The following RNFT2 variants were observed in gnomAD, a reference collection of about 807,000 sequenced individuals.
The protein encoded by RNFT2 is E3 ubiquitin-protein ligase RNFT2.
In RNFT2, 36 loss-of-function variants were observed where a neutral mutation model predicts 53.0. The observed-to-expected ratio is 0.68, with a 90% CI of 0.52 to 0.90. The LOEUF is 0.90. Among genes scored for constraint, RNFT2 ranks in the 40% least tolerant of loss-of-function variants. The pLI, the probability that RNFT2 is intolerant of heterozygous loss-of-function variation, is 0.00. For missense variants in RNFT2, 514 were observed against 585.6 expected (o/e 0.88, Z 1.26); for synonymous variants, 260 against 253.2 (o/e 1.03, Z -0.26).
At chr12:116,811,221 T>C (rs1221186991) in intron 7 of RNFT2, among the ~76,000 whole-genome samples, 1 of 151,690 alleles carries the variant, frequency 6.6e-6, no homozygotes, top group Admixed American at 6.6e-5. Flanking sequence ...GTGGGCAACA[T>C]AGAAAGACCC....
At chr12:116,811,550 AT>A (rs1875378105) in intron 7 of RNFT2, among the ~76,000 whole-genome samples, 1 of 151,900 alleles carries the variant, frequency 6.6e-6, no homozygotes, top group Non-Finnish European at 1.5e-5. Context: ...TAATTTTTGT[AT>A]TTTTAGTAGA....
chr12:116,842,666 C>T (rs570113766), intron 10 of RNFT2, among the ~76,000 whole-genome samples: 234 of 152,190 alleles, frequency 1.5e-3, no homozygotes, highest in African/African-American at 5.2e-3. Flanking sequence ...CTCTGCCTCC[C>T]GAGTTCAAGC....
At chr12:116,753,148 C>CTTTTTTTTTTTT (rs11377177) in intron 4 of RNFT2, among the ~76,000 whole-genome samples, 5 of 93,688 alleles carry the variant, frequency 5.3e-5, no homozygotes, top group East Asian at 3.2e-4. Context: ...TTTTCTTTTT[C>CTTTTTTTTTTTT]TTTTTTTTTT....
At chr12:116,826,309 C>G (rs1353877169) in intron 7 of RNFT2, among the ~76,000 whole-genome samples, 1 of 152,038 alleles carries the variant, frequency 6.6e-6, no homozygotes, top group Non-Finnish European at 1.5e-5. Context: ...CTCCCACCCC[C>G]TTTATCTGAA....
chr12:116,831,209 A>AAAG (rs527621820), intron 7 of RNFT2, among the ~76,000 whole-genome samples: 44 of 151,352 alleles, frequency 2.9e-4, no homozygotes, highest in Non-Finnish European at 5.8e-4. Context: ...AAAAAAAAAA[A>AAAG]AGAGAGAGAG....
At chr12:116,847,395 A>G (rs1052706743) in intron 10 of RNFT2, among the ~76,000 whole-genome samples, 8 of 152,198 alleles carry the variant, frequency 5.3e-5, no homozygotes, top group Non-Finnish European at 5.9e-5. Context: ...TAATCTTCCA[A>G]TGAGGGGGTT....
rs929276764 is a variant in RNFT2 at position 116,829,889 on chromosome 12, C to T, written c.883-3903C>T. 2.6e-5 allele frequency among the ~76,000 whole-genome samples: 4 copies of T among 152,014 alleles called. 1 individual carries two copies. The highest frequency in any genetic ancestry group is 5.9e-5 in the Non-Finnish European group (4 of 67,992). On this transcript the variant is annotated intron_variant, in intron 7 of 10. Transcript: ENST00000257575. Reference sequence around the variant, plus strand: ...AGCCACCATGCCCAGACTCATTTCCCCTCTAATTTAAACATATCACATGCT... The same window carrying T: ...AGCCACCATGCCCAGACTCATTTCCTCTCTAATTTAAACATATCACATGCT...
Position 116,851,827 on chromosome 12 carries a change from T to C in RNFT2, c.*2379T>C, listed in dbSNP as rs1376686858. On this transcript the variant is annotated 3_prime_UTR_variant, in exon 11 of 11. Coordinates refer to ENST00000257575, the MANE Select transcript of RNFT2 (RefSeq NM_001382266.1). Reference sequence around the variant, plus strand: ...AGAAAGGTCAGCTTTGGCCCAGATGTGGTTACCCCTTGGTCTCCTGTCTTT... The same window carrying C: ...AGAAAGGTCAGCTTTGGCCCAGATGCGGTTACCCCTTGGTCTCCTGTCTTT... 4.9e-6 allele frequency: 6 copies of C among 1,235,364 alleles called. No homozygotes were observed. Among genetic ancestry groups the C allele is most frequent in the Non-Finnish European group, 6.9e-6 (6 of 871,786 alleles). 76.5% of individuals were successfully genotyped at this position (1,235,364 alleles called of 1,614,324 possible).
chr12:116,844,268 T>C (rs1408406375), intron 10 of RNFT2, among the ~76,000 whole-genome samples: 1 of 152,196 alleles, frequency 6.6e-6, no homozygotes, highest in Non-Finnish European at 1.5e-5. Flanking sequence ...TCTCACCCTG[T>C]AGCCCAGGCT....
At chr12:116,757,443 T>C (rs1034075454) in intron 5 of RNFT2, among the ~76,000 whole-genome samples, 1 of 152,180 alleles carries the variant, frequency 6.6e-6, no homozygotes, top group Non-Finnish European at 1.5e-5. Context: ...TTCAGTCTTT[T>C]TGATGTAAGC....
At chr12:116,841,385 G>A (rs554344339) in intron 10 of RNFT2, among the ~76,000 whole-genome samples, 7 of 152,074 alleles carry the variant, frequency 4.6e-5, no homozygotes, top group Non-Finnish European at 1.0e-4. Context: ...CCCAAGAGGC[G>A]GAGGCTGCAG....
At chr12:116,807,705 A>G (rs1421443048) in intron 7 of RNFT2, among the ~76,000 whole-genome samples, 2 of 152,052 alleles carry the variant, frequency 1.3e-5, no homozygotes, top group Non-Finnish European at 1.5e-5. Context: ...CAACCCAGGC[A>G]CCATACACCC....
At chr12:116,806,807 CT>C (rs1412779180) in intron 7 of RNFT2, among the ~76,000 whole-genome samples, 1 of 150,710 alleles carries the variant, frequency 6.6e-6, no homozygotes, top group African/African-American at 2.4e-5. Context: ...CTCCTTTCAT[CT>C]GTTGCTATGA....
chr12:116,810,828 G>T (rs73220465), intron 7 of RNFT2, among the ~76,000 whole-genome samples: 2 of 152,100 alleles, frequency 1.3e-5, no homozygotes, highest in Non-Finnish European at 2.9e-5. Context: ...ATTGGGGTAG[G>T]GGGGACTACC....
intron 7 of RNFT2, among the ~76,000 whole-genome samples, chr12:116,782,588 A>C (rs1235657914): frequency 6.6e-6 from 1 of 152,144 alleles, no homozygotes; most frequent in Non-Finnish European, 1.5e-5. Context: ...AGACGTGGAC[A>C]TTTTTGGGTG....
chr12:116,799,097 C>G (rs193275761), intron 7 of RNFT2, among the ~76,000 whole-genome samples: 121 of 152,308 alleles, frequency 7.9e-4, no homozygotes, highest in Non-Finnish European at 1.5e-3. Context: ...TACTTCCAGG[C>G]TCATTAAGGT....
At chr12:116,775,977 A>T (rs937638983) in intron 6 of RNFT2, among the ~76,000 whole-genome samples, 1 of 152,002 alleles carries the variant, frequency 6.6e-6, no homozygotes, top group African/African-American at 2.4e-5. Flanking sequence ...CAGGAGACAG[A>T]GGTTGCAGTG....
At chr12:116,832,898 C>CTTTTTTTTTTTTTTTTTTTTTTTTTTTT (rs71095601) in intron 7 of RNFT2, among the ~76,000 whole-genome samples, 4 of 84,766 alleles carry the variant, frequency 4.7e-5, no homozygotes, top group Non-Finnish European at 6.2e-5. Context: ...AAGTCGTGTT[C>CTTTTTTTTTTTTTTTTTTTTTTTTTTTT]TTTTTTTTTT....
rs1872123883 is a variant in RNFT2 at position 116,750,206 on chromosome 12, C to T, written c.449C>T (p.Ala150Val). The change falls in exon 4 of 11, where the codon GCC (alanine) becomes GTC (valine). Residue 150 changes from alanine to valine, a missense_variant. Around this residue, in one of 3 missense-constraint regions of RNFT2, gnomAD observed 237 missense variants for 235.1 expected, o/e 1.01. Transcript: ENST00000257575. ...EGGDEQPGTPAPALSELKAVI... is the reference protein window; with the variant it reads ...EGGDEQPGTPVPALSELKAVI... ...GGCGACGAGCAGCCTGGGACGCCCGCCCCCGCCCTGTCCGAGCTGAAGGCT... is the reference window on the plus strand; with the variant it reads ...GGCGACGAGCAGCCTGGGACGCCCGTCCCCGCCCTGTCCGAGCTGAAGGCT... 1.2e-6 allele frequency: 2 copies of T among 1,604,336 alleles called. No individual in the cohort carries two copies. Among genetic ancestry groups the T allele is most frequent in the Non-Finnish European group, 1.7e-6 (2 of 1,178,430 alleles).
Sources: allele counts gnomAD v4.1 joint callset (sites outside exome capture counted in the v4.1 genomes callset), GRCh38; gene constraint gnomAD v4.1.1; regional missense constraint gnomAD v4.1.1; transcripts MANE v1.5; gene names NCBI Gene and HGNC (gene_info 2026-07-23, HGNC 2026-07-21).